KPNA6: variants seen among roughly 807,000 people sequenced by gnomAD.
KPNA6 encodes importin subunit alpha-7.
Under a neutral mutation model 72.0 loss-of-function variants are expected in KPNA6, and 9 were observed. The observed-to-expected ratio is 0.13, with a 90% CI of 0.08 to 0.22. The LOEUF is 0.22. Among genes scored for constraint, KPNA6 ranks in the 10% least tolerant of loss-of-function variants. KPNA6 has a pLI of 1.00. For missense variants in KPNA6, 374 were observed against 655.7 expected (o/e 0.57, Z 4.69); for synonymous variants, 219 against 242.1 (o/e 0.90, Z 0.89).
intron 1 of KPNA6, chr1:32,143,146 C>G (rs1215983406): frequency 4.1e-6 from 2 of 489,440 alleles, no homozygotes; most frequent in Admixed American, 4.9e-5. Flanking sequence ...CACTTGCAGC[C>G]TCAACCTCCT....
At chr1:32,119,028 A>ATTTTTTT (rs1197600051) in intron 1 of KPNA6, among the ~76,000 whole-genome samples, 7 of 63,178 alleles carry the variant, frequency 1.1e-4, no homozygotes, top group African/African-American at 4.7e-4. Flanking sequence ...ATATATATAT[A>ATTTTTTT]TATATTTTTT....
chr1:32,151,221 G>A (rs1194868968), intron 1 of KPNA6, among the ~76,000 whole-genome samples: 2 of 152,084 alleles, frequency 1.3e-5, no homozygotes, highest in East Asian at 1.9e-4. Flanking sequence ...TGTAAGGCTC[G>A]TTTTTAAGCT....
chr1:32,139,352 G>A (rs1335775290), intron 1 of KPNA6, among the ~76,000 whole-genome samples: 1 of 152,176 alleles, frequency 6.6e-6, no homozygotes, highest in Non-Finnish European at 1.5e-5. Flanking sequence ...CTAAGGAAAA[G>A]CGTTGAAGGC....
intron 1 of KPNA6, among the ~76,000 whole-genome samples, chr1:32,137,296 C>T (rs1028394920): frequency 6.6e-6 from 1 of 152,144 alleles, no homozygotes; most frequent in Non-Finnish European, 1.5e-5. Flanking sequence ...AGCTCAGCCT[C>T]CCGAGTTGCT....
intron 1 of KPNA6, among the ~76,000 whole-genome samples, chr1:32,111,253 C>G (rs1641239578): frequency 6.6e-6 from 1 of 152,278 alleles, no homozygotes; most frequent in South Asian, 2.1e-4. Flanking sequence ...GAAGATAACA[C>G]AGCCAGTAAG....
intron 10 of KPNA6, 124 bp from the exon 11 acceptor site, chr1:32,165,981 G>C (rs1253301406): frequency 3.7e-6 from 4 of 1,093,288 alleles, no homozygotes; most frequent in Non-Finnish European, 5.0e-6. Context: ...CTGGGCGTCA[G>C]AGCGAGACTC....
rs1257668209 is a variant in KPNA6, at chr1:32,167,354, A to G, written c.1244+58A>G. 2.7e-5 allele frequency: 44 copies of G among 1,607,062 alleles called. No homozygotes were observed. In the East Asian group the frequency reaches 9.2e-4, roughly 33 times the overall value. On this transcript the variant is annotated intron_variant, in intron 12 of 13. Coordinates refer to ENST00000373625, the MANE Select transcript of KPNA6 (RefSeq NM_012316.5). Reference sequence around the variant, plus strand: ...TAATGGATGCTCTCCCTGTTTGCTCATGGTTTACAGGTGACCTATAAACTG... The same window carrying G: ...TAATGGATGCTCTCCCTGTTTGCTCGTGGTTTACAGGTGACCTATAAACTG...
intron 10 of KPNA6, among the ~76,000 whole-genome samples, chr1:32,165,056 G>A (rs541701217): frequency 1.0e-3 from 153 of 151,976 alleles, no homozygotes; most frequent in African/African-American, 2.5e-3. Flanking sequence ...GCACCATCAT[G>A]CCTAGCTAAT....
chr1:32,140,018 A>G (rs1046799245), intron 1 of KPNA6, among the ~76,000 whole-genome samples: 1 of 152,216 alleles, frequency 6.6e-6, no homozygotes, highest in Non-Finnish European at 1.5e-5. Flanking sequence ...TGTTGAAATA[A>G]TTAAGAAATT....
intron 1 of KPNA6, among the ~76,000 whole-genome samples, chr1:32,108,372 A>C (rs931135484): frequency 4.6e-5 from 7 of 152,346 alleles, no homozygotes; most frequent in African/African-American, 1.7e-4. Context: ...GGAGCCCCCC[A>C]CATGGTGGCC....
In KPNA6 at chr1:32,172,769, T is replaced by G; in HGVS notation, c.*1875T>G. Reference sequence around the variant, plus strand: ...GTCTGCCCCACCCCCACCTCCCCACTGTGGTTAGTCAGAGGCATCCTGCTC... The same window carrying G: ...GTCTGCCCCACCCCCACCTCCCCACGGTGGTTAGTCAGAGGCATCCTGCTC... On this transcript the variant is annotated 3_prime_UTR_variant, in exon 14 of 14. Transcript: ENST00000373625. The G allele has an allele frequency of 6.7e-6, 1 of 148,502 alleles. No individual in the cohort carries two copies. The highest frequency in any genetic ancestry group is 1.9e-4 in the East Asian group (1 of 5,384). 9.2% of individuals were successfully genotyped at this position (148,502 alleles called of 1,614,324 possible).
intron 1 of KPNA6, among the ~76,000 whole-genome samples, chr1:32,119,660 T>C (rs907702169): frequency 2.6e-5 from 4 of 152,132 alleles, no homozygotes; most frequent in African/African-American, 9.7e-5. Flanking sequence ...AGCCAATTGT[T>C]GCCATGGGGA....
chr1:32,163,393 C>A, intron 10 of KPNA6, 80 bp downstream of exon 10: 3 of 984,772 alleles, frequency 3.0e-6, no homozygotes, highest in Non-Finnish European at 4.7e-6. Context: ...AAAGCCTTTC[C>A]TGCAAAGGGC....
chr1:32,142,305 C>T (rs1641854083), intron 1 of KPNA6, among the ~76,000 whole-genome samples: 2 of 142,994 alleles, frequency 1.4e-5, no homozygotes, highest in Admixed American at 7.0e-5. Context: ...TTGTTTTATT[C>T]TCAGCCGTTT....
Position 32,169,904 on chromosome 1 carries a change from A to G in KPNA6, c.1267A>G (p.Ile423Val). 1.9e-6 allele frequency: 3 copies of G among 1,614,104 alleles called. No individual in the cohort carries two copies. The highest frequency in any genetic ancestry group is 2.5e-6 in the Non-Finnish European group (3 of 1,180,012). The change falls in exon 13 of 14, where the codon ATC becomes GTC. Residue 423 changes from isoleucine (I) to valine (V), a missense_variant. Physicochemically the swap from Ile to Val is conservative, Grantham distance 29. Coordinates refer to ENST00000373625, the MANE Select transcript of KPNA6 (RefSeq NM_012316.5). The part of the protein sequence containing the change: ...QIRYLVSLGC[I>V]KPLCDLLTVM... ...TAGGTACCTGGTCTCACTGGGCTGC[A>G]TCAAACCCCTATGTGACTTGCTGAC... is the stretch of plus-strand genomic sequence containing the variant.
intron 1 of KPNA6, among the ~76,000 whole-genome samples, chr1:32,150,758 C>T (rs535529757): frequency 6.6e-6 from 1 of 152,148 alleles, no homozygotes; most frequent in Non-Finnish European, 1.5e-5. Flanking sequence ...TCCCGAGTAG[C>T]TGGGACTACA....
intron 2 of KPNA6, among the ~76,000 whole-genome samples, chr1:32,154,999 T>C (rs1642110712): frequency 6.7e-6 from 1 of 150,262 alleles, no homozygotes. Flanking sequence ...CAATCTCAGC[T>C]ACTTGGGAGG....
chr1:32,142,109 A>G (rs952293095), intron 1 of KPNA6, among the ~76,000 whole-genome samples: 1 of 151,982 alleles, frequency 6.6e-6, no homozygotes, highest in Admixed American at 6.6e-5. Context: ...GCAAAAAATT[A>G]GCCAGGCGTG....
rs1363917494 is a variant in KPNA6, at chr1:32,176,378, C to A, written c.*5484C>A. On this transcript the variant is annotated 3_prime_UTR_variant, in exon 14 of 14. Coordinates refer to ENST00000373625, the MANE Select transcript of KPNA6 (RefSeq NM_012316.5). ...AACTCTATTTTCCATGTTCTCAGGGCCCCTGGGTAGACAGACACAGCTTGA... is the reference window on the plus strand; with the variant it reads ...AACTCTATTTTCCATGTTCTCAGGGACCCTGGGTAGACAGACACAGCTTGA... The A allele has an allele frequency of 6.6e-6, 1 of 152,218 alleles. No individual in the cohort carries two copies. Among genetic ancestry groups the A allele is most frequent in the African/African-American group, 2.4e-5 (1 of 41,414 alleles). The allele number at this position is 152,218 out of a possible 1,614,324, so 9.4% of individuals were successfully genotyped here. A position where few individuals can be genotyped will look rare whatever the true frequency, so the allele number is the denominator to read the frequency against.
Sources: allele counts gnomAD v4.1 joint callset (sites outside exome capture counted in the v4.1 genomes callset), GRCh38; gene constraint gnomAD v4.1.1; transcripts MANE v1.5; gene names NCBI Gene and HGNC (gene_info 2026-07-23, HGNC 2026-07-21).